POLR1A: variants seen among roughly 807,000 people sequenced by gnomAD.
The protein encoded by POLR1A is RNA polymerase I subunit A.
In POLR1A, 84 loss-of-function variants were observed where a neutral mutation model predicts 205.3. The ratio of observed to expected loss-of-function variants is 0.41; its 90% confidence interval spans 0.34 to 0.49. The LOEUF is 0.49. Ranked by LOEUF, POLR1A falls within the 20% of genes least tolerant of loss-of-function variation. POLR1A has a pLI of 0.22. For synonymous variants in POLR1A, 799 were observed against 863.7 expected (o/e 0.93, Z 1.31); for missense variants, 1,645 against 2,204.5 (o/e 0.75, Z 5.08).
Position 86,038,805 on chromosome 2 carries a change from T to C in POLR1A, c.3929A>G (p.Asn1310Ser). The C allele has an allele frequency of 6.2e-7, 1 of 1,614,046 alleles. No individual in the cohort carries two copies. The highest frequency in any genetic ancestry group is 8.5e-7 in the Non-Finnish European group (1 of 1,179,928). ...QESFCMEEKQ[N>S]KFQVYQLRFQ... Reference sequence around the variant, plus strand: ...CCGCAGCTGGTACACCTGGAATTTGTTCTGTTTTTCTTCCATACAGAAGGA... The same window carrying C: ...CCGCAGCTGGTACACCTGGAATTTGCTCTGTTTTTCTTCCATACAGAAGGA... The change falls in exon 27 of 34, where the codon AAC becomes AGC. Residue 1310 changes from asparagine (N) to serine (S), a missense_variant. Physicochemically the swap from Asn to Ser is conservative, Grantham distance 46. Around this residue, in one of 16 missense-constraint regions of POLR1A, gnomAD observed 394 missense variants for 468.5 expected, o/e 0.84. Coordinates refer to ENST00000263857, the MANE Select transcript of POLR1A (RefSeq NM_015425.6).
At chr2:86,096,585 G>A (rs199508103) in intron 3 of POLR1A, among the ~76,000 whole-genome samples, 1 of 152,044 alleles carries the variant, frequency 6.6e-6, no homozygotes, top group East Asian at 1.9e-4. Context: ...CAGAAACAAA[G>A]GCCAATGAAA....
At chr2:86,089,984 C>T (rs1673573286) in intron 3 of POLR1A, 55 bp from the exon 4 acceptor site, 3 of 935,482 alleles carry the variant, frequency 3.2e-6, no homozygotes, top group South Asian at 2.6e-5. Context: ...CTCTGATGAG[C>T]AGCACAACTG....
chr2:86,061,330 C>T (rs954414460), intron 14 of POLR1A, among the ~76,000 whole-genome samples: 2 of 152,076 alleles, frequency 1.3e-5, no homozygotes, highest in African/African-American at 2.4e-5. Context: ...ATCTGTAATC[C>T]CAGCTACTCG....
chr2:86,105,585 G>A (rs1573842470), intron 1 of POLR1A, 115 bp downstream of exon 1: 2 of 672,132 alleles, frequency 3.0e-6, no homozygotes, highest in Non-Finnish European at 2.6e-6. Flanking sequence ...CAGGACAAGC[G>A]CCAGACAAGC....
At chr2:86,069,992 CG>C in intron 13 of POLR1A, 25 bp downstream of exon 13, 1 of 1,602,736 alleles carries the variant, frequency 6.2e-7, no homozygotes, top group Non-Finnish European at 8.5e-7. Context: ...ACGATGACCA[CG>C]GAACAGCCTC....
chr2:86,041,172 TGTGTGTGTGTGTGTGTGTGC>T (rs1024233370), intron 24 of POLR1A, among the ~76,000 whole-genome samples: 8 of 98,094 alleles, frequency 8.2e-5, no homozygotes, highest in African/African-American at 2.0e-4. Flanking sequence ...TGTGTGTGTG[TGTGTGTGTGTGTGTGTGTGC>T]GCGCTGAGCT....
At position 86,028,832 on chromosome 2, in the gene POLR1A, C is replaced by A; in HGVS notation, c.4780-121G>T. On this transcript the variant is annotated intron_variant, in intron 31 of 33. Transcript: ENST00000263857. This position sits in a 1 kb window ranked among gnomAD's most constrained non-coding sequence, Gnocchi z 4.5. ...TCTGGCAGCTCGGTACAGCTGATGACAAAGTGGTCAAGAGGTGGCCCAGGA... is the reference window on the plus strand; with the variant it reads ...TCTGGCAGCTCGGTACAGCTGATGAAAAAGTGGTCAAGAGGTGGCCCAGGA... 8.5e-6 allele frequency: 6 copies of A among 705,876 alleles called. No individual in the cohort carries two copies. In the South Asian group the frequency reaches 1.0e-4, roughly 12 times the overall value. 43.7% of individuals were successfully genotyped at this position (705,876 alleles called of 1,614,324 possible).
At chr2:86,087,731 T>C (rs575969993) in intron 6 of POLR1A, among the ~76,000 whole-genome samples, 1 of 118,164 alleles carries the variant, frequency 8.5e-6, no homozygotes, top group African/African-American at 2.7e-5. Flanking sequence ...TTAGCAGAGA[T>C]GGGGTTTCAC....
chr2:86,100,127 G>A lies in POLR1A; in HGVS notation c.123C>T (p.Ser41=), dbSNP rs755334749. The A allele has an allele frequency of 6.2e-7, 1 of 1,614,166 alleles. No homozygotes were observed. Among genetic ancestry groups the A allele is most frequent in the Non-Finnish European group, 8.5e-7 (1 of 1,180,006 alleles). ...GGCCGTTTGCCGATGGGTTCCCCAG[G>A]CTGTCCAGGTATCGAGGGTTCGTAA... ...KSITNPRYLD[S]LGNPSANGLY... is the part of the protein sequence containing the mutation. The change falls in exon 2 of 34, where the codon AGC becomes AGT. Residue 41 remains serine (S), a synonymous_variant. Coordinates refer to ENST00000263857, the MANE Select transcript of POLR1A (RefSeq NM_015425.6).
In POLR1A at chr2:86,024,462, G is replaced by A. The variant is rs1690221827; in HGVS notation, c.*2961C>T. On this transcript the variant is annotated 3_prime_UTR_variant, in exon 34 of 34. Transcript: ENST00000263857. Reference sequence around the variant, plus strand: ...AAAAGAAGGTTCAAGTTCCAGACTGGGGATGAGACAAGGTGCTTCACCCCT... The same window carrying A: ...AAAAGAAGGTTCAAGTTCCAGACTGAGGATGAGACAAGGTGCTTCACCCCT... The A allele has an allele frequency of 6.6e-6, 1 of 152,352 alleles. No individual in the cohort carries two copies. The highest frequency in any genetic ancestry group is 6.5e-5 in the Admixed American group (1 of 15,284). The allele number at this position is 152,352 out of a possible 1,614,324, so 9.4% of individuals were successfully genotyped here. A position where few individuals can be genotyped will look rare whatever the true frequency, so the allele number is the denominator to read the frequency against.
chr2:86,097,235 A>AAAAAAAAAAAAAAAAAAC, intron 3 of POLR1A, among the ~76,000 whole-genome samples: 1 of 147,668 alleles, frequency 6.8e-6, no homozygotes, highest in East Asian at 1.9e-4. Flanking sequence ...AAAAAAAAAA[A>AAAAAAAAAAAAAAAAAAC]AAAAAAAGCA....
intron 18 of POLR1A, among the ~76,000 whole-genome samples, chr2:86,048,020 A>G (rs189294531): frequency 3.9e-5 from 6 of 152,308 alleles, no homozygotes; most frequent in Admixed American, 3.9e-4. Flanking sequence ...GGGAGGTGCT[A>G]GGAAAGCTCC....
rs142452218 is a variant in POLR1A, at chr2:86,074,904, C to T, written c.1611+126G>A. The T allele has an allele frequency of 1.8e-3, 1,164 of 660,824 alleles. 10 individuals are homozygous for T. The African/African-American group carries it at 0.018, about 10-fold the overall frequency. The allele number at this position is 660,824 out of a possible 1,614,324, so 40.9% of individuals were successfully genotyped here. On this transcript the variant is annotated intron_variant, in intron 12 of 33. Coordinates refer to ENST00000263857, the MANE Select transcript of POLR1A (RefSeq NM_015425.6). ...TGAATCTAAAAAGCCACCCACGTGT[C>T]GGGGAGCTTCCTCCTAGGGATGGGC...
chr2:86,099,992 T>C lies in POLR1A; in HGVS notation c.258A>G (p.Thr86=). 1 of 1,614,000 alleles carries C rather than the reference T, an allele frequency of 6.2e-7. No homozygotes were observed. Among genetic ancestry groups the C allele is most frequent in the Non-Finnish European group, 8.5e-7 (1 of 1,179,936 alleles). ...CATCGAAGAGGAGAGGGTTATACACTGTGAGTGGGAGCTCAATGTGGCCCA... is the reference window on the plus strand; with the variant it reads ...CATCGAAGAGGAGAGGGTTATACACCGTGAGTGGGAGCTCAATGTGGCCCA... ...GHLGHIELPL[T]VYNPLLFDKL... Residue 86 remains threonine, a synonymous_variant, in exon 2 of 34, where the codon ACA becomes ACG. Transcript: ENST00000263857.
Position 86,083,131 on chromosome 2 carries a change from T to C in POLR1A, c.768A>G (p.Leu256=), listed in dbSNP as rs200970625. 2.9e-5 allele frequency: 47 copies of C among 1,614,068 alleles called. No homozygotes were observed. The African/African-American group carries it at 5.5e-4, about 19-fold the overall frequency. ...EEAQIGKRGY[L]TPTSAREHLS... ...GGTGTTCGCGGGCACTGGTGGGTGT[T>C]AAGTATCCTCGTTTTCCTATCTGAG... Residue 256 remains leucine, a synonymous_variant, in exon 7 of 34, where the codon TTA becomes TTG. Coordinates refer to ENST00000263857, the MANE Select transcript of POLR1A (RefSeq NM_015425.6).
intron 14 of POLR1A, among the ~76,000 whole-genome samples, chr2:86,055,624 G>A (rs1672882277): frequency 6.6e-6 from 1 of 152,196 alleles, no homozygotes; most frequent in Non-Finnish European, 1.5e-5. Flanking sequence ...GTCAAGACTG[G>A]AACTTGGTGT....
chr2:86,038,895 G>A (rs1672547685), intron 26 of POLR1A, 38 bp from the exon 27 acceptor site: 1 of 1,604,776 alleles, frequency 6.2e-7, no homozygotes, highest in Admixed American at 1.7e-5. Flanking sequence ...GACTTGTTCA[G>A]GTCCTAGGTG....
intron 11 of POLR1A, among the ~76,000 whole-genome samples, chr2:86,076,397 T>C (rs1407851282): frequency 6.6e-6 from 1 of 152,208 alleles, no homozygotes; most frequent in Non-Finnish European, 1.5e-5. Flanking sequence ...CATATACTTG[T>C]CTATCTATTT....
chr2:86,079,221 C>T (rs1673351135), intron 9 of POLR1A, among the ~76,000 whole-genome samples: 2 of 152,214 alleles, frequency 1.3e-5, no homozygotes, highest in African/African-American at 4.8e-5. Context: ...ATGTATTCTA[C>T]ATAAAACACT....
Sources: gnomAD v4.1 joint callset for allele counts (sites outside exome capture counted in the v4.1 genomes callset) on GRCh38, gnomAD v4.1.1 for gene constraint, gnomAD v4.1.1 regional missense constraint, Gnocchi (gnomAD v3.1) non-coding constraint, MANE v1.5 for transcripts, NCBI Gene and HGNC (gene_info 2026-07-23, HGNC 2026-07-21) for gene names.